The following DPF3 variants were observed in gnomAD, a reference collection of about 807,000 sequenced individuals.
DPF3 encodes the protein double PHD fingers 3, also known as zinc finger protein DPF3.
A neutral mutation model predicts 56.8 loss-of-function variants in DPF3; 18 were observed. The ratio of observed to expected loss-of-function variants is 0.32; its 90% confidence interval spans 0.22 to 0.47. DPF3 has a LOEUF of 0.47. Ranked by LOEUF, DPF3 falls within the 20% of genes least tolerant of loss-of-function variation. The pLI, the probability that DPF3 is intolerant of heterozygous loss-of-function variation, is 1.00. For synonymous variants in DPF3, 188 were observed against 180.2 expected, an observed-to-expected ratio of 1.04 and a Z score of -0.35; for missense variants, 403 against 488.8, an observed-to-expected ratio of 0.82 and a Z score of 1.65.
At chr14:72,866,922 G>T (rs1658024356) in intron 1 of DPF3, among the ~76,000 whole-genome samples, 1 of 150,048 alleles carries the variant, frequency 6.7e-6, no homozygotes, top group Non-Finnish European at 1.5e-5. Flanking sequence ...ATCATGCCTA[G>T]CCCACTGGTA....
intron 3 of DPF3, among the ~76,000 whole-genome samples, chr14:72,733,520 A>C (rs1257609085): frequency 6.6e-6 from 1 of 152,152 alleles, no homozygotes; most frequent in Non-Finnish European, 1.5e-5. Flanking sequence ...GCCCCAGGAC[A>C]GGAGCTATGG....
intron 2 of DPF3, among the ~76,000 whole-genome samples, chr14:72,762,044 T>C (rs1200211027): frequency 6.6e-6 from 1 of 151,810 alleles, no homozygotes; most frequent in Non-Finnish European, 1.5e-5. Flanking sequence ...ATAAATTAAA[T>C]TTATAATTAA....
intron 1 of DPF3, 67 bp from the exon 2 acceptor site, chr14:72,771,960 C>T (rs1891551281): frequency 2.2e-6 from 3 of 1,385,986 alleles, no homozygotes; most frequent in Admixed American, 3.1e-5. Flanking sequence ...GGGAAACACA[C>T]CCAGAGGGAA....
At chr14:72,688,648 A>C (rs1887539022) in intron 7 of DPF3, among the ~76,000 whole-genome samples, 2 of 152,204 alleles carry the variant, frequency 1.3e-5, no homozygotes, top group African/African-American at 2.4e-5. Context: ...TATCTTTCAG[A>C]GTCCTATCCT....
chr14:72,645,620 CCT>C (rs978124538), intron 8 of DPF3, among the ~76,000 whole-genome samples: 1 of 152,172 alleles, frequency 6.6e-6, no homozygotes, highest in Non-Finnish European at 1.5e-5. Context: ...TTAAGTAATT[CCT>C]CTGTCTTTCA....
intron 1 of DPF3, among the ~76,000 whole-genome samples, chr14:72,842,996 C>T (rs1341260740): frequency 6.6e-6 from 1 of 152,094 alleles, no homozygotes; most frequent in East Asian, 1.9e-4. Context: ...GCACTCCAAC[C>T]CGGGTGACAG....
chr14:72,855,396 T>C (rs1231137772), intron 1 of DPF3, among the ~76,000 whole-genome samples: 1 of 152,256 alleles, frequency 6.6e-6, no homozygotes, highest in Admixed American at 6.5e-5. Context: ...TAGCCCATTA[T>C]GAGTGGCTCC....
In DPF3 at chr14:72,717,355, G is replaced by A. The variant is rs79495179; in HGVS notation, c.526-2854C>T. ...TGAGCACACCAACACCTATATAGCAGAGCTGTTGAGAGAGTTTGAGCTGAG... is the reference window on the plus strand; with the variant it reads ...TGAGCACACCAACACCTATATAGCAAAGCTGTTGAGAGAGTTTGAGCTGAG... On this transcript the variant is annotated intron_variant, in intron 5 of 10. Transcript: ENST00000556509. 6.4e-3 allele frequency among the ~76,000 whole-genome samples: 968 copies of A among 152,314 alleles called. 10 individuals carry two copies. The highest frequency in any genetic ancestry group is 0.022 in the African/African-American group (923 of 41,560).
chr14:72,885,732 C>A (rs1010007052), intron 1 of DPF3, among the ~76,000 whole-genome samples: 1 of 152,012 alleles, frequency 6.6e-6, no homozygotes, highest in East Asian at 1.9e-4. Context: ...TGAAGGAGAC[C>A]TAGGCATAGT....
In DPF3 at chr14:72,842,962, G is replaced by C. The variant is rs745727869; in HGVS notation, c.32+51095C>G. On this transcript the variant is annotated intron_variant, in intron 1 of 10. Transcript: ENST00000556509. ...CACTTGAACCCAGGAGGCAGAGGTT[G>C]CAGTGAGCCGAGATCATACCACTGC... Among the ~76,000 whole-genome samples, 3 of 152,226 alleles carry C rather than the reference G, an allele frequency of 2.0e-5. No homozygotes were observed. The East Asian group carries it at 5.8e-4, about 29-fold the overall frequency.
chr14:72,712,720 A>G (rs1888708343), intron 6 of DPF3, among the ~76,000 whole-genome samples: 1 of 152,108 alleles, frequency 6.6e-6, no homozygotes. Flanking sequence ...TTAAAAACTT[A>G]GCCAAGCATA....
intron 6 of DPF3, among the ~76,000 whole-genome samples, chr14:72,700,690 T>C: frequency 6.6e-6 from 1 of 152,228 alleles, no homozygotes; most frequent in African/African-American, 2.4e-5. Context: ...AGGCTGGATC[T>C]GAACTGCCTG....
chr14:72,783,325 C>T (rs967427705), intron 1 of DPF3, among the ~76,000 whole-genome samples: 2 of 152,212 alleles, frequency 1.3e-5, no homozygotes, highest in African/African-American at 4.8e-5. Context: ...GTCCTTGTCT[C>T]ATCAGATTCC....
chr14:72,850,378 G>A (rs1047086538), intron 1 of DPF3, among the ~76,000 whole-genome samples: 3 of 152,070 alleles, frequency 2.0e-5, no homozygotes, highest in Non-Finnish European at 4.4e-5. Context: ...AGCCCCCAGA[G>A]GCATTGGAGT....
At chr14:72,800,671 CGGATGCATGGAT>C (rs1396497388) in intron 1 of DPF3, among the ~76,000 whole-genome samples, 2 of 145,142 alleles carry the variant, frequency 1.4e-5, no homozygotes, top group African/African-American at 5.1e-5. Context: ...CATGGATGAA[CGGATGCATGGAT>C]GGATGCATGA....
chr14:72,849,883 C>T (rs1383804416), intron 1 of DPF3, among the ~76,000 whole-genome samples: 1 of 152,058 alleles, frequency 6.6e-6, no homozygotes, highest in Non-Finnish European at 1.5e-5. Context: ...TTTGGGAGGC[C>T]AACCTGGGTG....
chr14:72,887,516 T>C (rs1213062921), intron 1 of DPF3, among the ~76,000 whole-genome samples: 1 of 152,142 alleles, frequency 6.6e-6, no homozygotes, highest in East Asian at 1.9e-4. Context: ...AAGTCTCCAG[T>C]CTTAAATGTT....
rs183148145 is a variant in DPF3 at position 72,889,826 on chromosome 14, A to G, written c.32+4231T>C. ...GTGTTCTTAACAACAAAACAGGGACATAAACACATACCTCCAAGCAAGGTT... is the reference window on the plus strand; with the variant it reads ...GTGTTCTTAACAACAAAACAGGGACGTAAACACATACCTCCAAGCAAGGTT... On this transcript the variant is annotated intron_variant, in intron 1 of 10. Coordinates refer to ENST00000556509, the MANE Select transcript of DPF3 (RefSeq NM_001280542.3). 2.0e-5 allele frequency among the ~76,000 whole-genome samples: 3 copies of G among 152,380 alleles called. No homozygotes were observed. The East Asian group carries it at 5.8e-4, about 29-fold the overall frequency.
At chr14:72,792,096 CCCCCAACCCCGA>C (rs1302647049) in intron 1 of DPF3, among the ~76,000 whole-genome samples, 1 of 152,082 alleles carries the variant, frequency 6.6e-6, no homozygotes, top group Non-Finnish European at 1.5e-5. Context: ...CCCACCCCCG[CCCCCAACCCCGA>C]CCCACTGCTC....
Sources: allele counts gnomAD v4.1 joint callset (sites outside exome capture counted in the v4.1 genomes callset), GRCh38; gene constraint gnomAD v4.1.1; transcripts MANE v1.5; gene names NCBI Gene and HGNC (gene_info 2026-07-23, HGNC 2026-07-21).